The following LGR5 variants were observed in gnomAD, a reference collection of about 807,000 sequenced individuals.
The protein encoded by LGR5 is leucine rich repeat containing G protein-coupled receptor 5, also known as leucine-rich repeat-containing G protein-coupled receptor 5.
Under a neutral mutation model 76.7 loss-of-function variants are expected in LGR5, and 54 were observed. That is an observed-to-expected ratio of 0.70 (90% CI 0.57 to 0.88). The LOEUF is 0.88. LGR5 is among the 40% of genes least tolerant of loss of function. The pLI, the probability that LGR5 is intolerant of heterozygous loss-of-function variation, is 0.00. For missense variants in LGR5, 1,078 were observed against 1,073.3 expected, an observed-to-expected ratio of 1.00 and a Z score of -0.06; for synonymous variants, 406 against 421.9, an observed-to-expected ratio of 0.96 and a Z score of 0.46.
At position 71,566,899 on chromosome 12, in the gene LGR5, A is replaced by G; in HGVS notation, c.1057A>G (p.Asn353Asp). Reference sequence around the variant, plus strand: ...TCAAACCGTCTGCAATCAGTTACCTAATCTCCAAGTGCTGTGCGTATCAGT... The same window carrying G: ...TCAAACCGTCTGCAATCAGTTACCTGATCTCCAAGTGCTGTGCGTATCAGT... ...LPQTVCNQLPNLQVLDLSYNL... is the reference protein window; with the variant it reads ...LPQTVCNQLPDLQVLDLSYNL... The change falls in exon 11 of 18, where the codon AAT (asparagine) becomes GAT (aspartate). Residue 353 changes from asparagine to aspartate, a missense_variant. Physicochemically the swap from Asn to Asp is conservative, Grantham distance 23. Coordinates refer to ENST00000266674, the MANE Select transcript of LGR5 (RefSeq NM_003667.4). The G allele has an allele frequency of 1.2e-6, 2 of 1,612,708 alleles. No homozygotes were observed. Among genetic ancestry groups the G allele is most frequent in the African/African-American group, 1.3e-5 (1 of 75,006 alleles).
At chr12:71,545,779 T>C (rs1280832) in intron 4 of LGR5, among the ~76,000 whole-genome samples, 138,680 of 152,142 alleles carry the variant, frequency 0.91, 63,737 homozygotes, top group East Asian at 1. Flanking sequence ...GTGTCATATA[T>C]GAGATATGTA....
At chr12:71,556,029 A>G (rs537277105) in intron 5 of LGR5, among the ~76,000 whole-genome samples, 3 of 152,184 alleles carry the variant, frequency 2.0e-5, no homozygotes, top group African/African-American at 4.8e-5. Context: ...TTGCAGGAAC[A>G]TGGATGGAGG....
At chr12:71,559,985 A>C (rs1456325488) in intron 7 of LGR5, among the ~76,000 whole-genome samples, 1 of 152,202 alleles carries the variant, frequency 6.6e-6, no homozygotes, top group Non-Finnish European at 1.5e-5. Context: ...TAGAACTAAA[A>C]TGGAATTTAA....
chr12:71,521,542 G>A (rs1168906223), intron 2 of LGR5, among the ~76,000 whole-genome samples: 1 of 152,210 alleles, frequency 6.6e-6, no homozygotes, highest in Non-Finnish European at 1.5e-5. Context: ...GTCTTTTTAA[G>A]GAGGTGATAC....
intron 4 of LGR5, among the ~76,000 whole-genome samples, chr12:71,544,286 TTTCTTCGTCTTTTTTTTTTTC>T (rs1877034680): frequency 6.8e-6 from 1 of 146,274 alleles, no homozygotes; most frequent in Non-Finnish European, 1.5e-5. Flanking sequence ...GTCTTTTTTT[TTTCTTCGTCTTTTTTTTTTTC>T]TTCTTCTTCT....
chr12:71,561,907 T>C (rs772346774), intron 8 of LGR5, 55 bp downstream of exon 8: 1 of 979,630 alleles, frequency 1.0e-6, no homozygotes, highest in Non-Finnish European at 1.6e-6. Flanking sequence ...GCATATATTA[T>C]ACTTTGAAAT....
At chr12:71,533,270 A>G (rs957895371) in intron 3 of LGR5, among the ~76,000 whole-genome samples, 1 of 152,140 alleles carries the variant, frequency 6.6e-6, no homozygotes, top group Non-Finnish European at 1.5e-5. Context: ...GCTTGAACCC[A>G]GGAGGCAGAG....
chr12:71,443,363 T>C (rs560711827), intron 1 of LGR5, among the ~76,000 whole-genome samples: 3 of 152,334 alleles, frequency 2.0e-5, no homozygotes, highest in African/African-American at 7.2e-5. Context: ...TGAGCTGCCT[T>C]CCACAGTAGG....
chr12:71,467,903 G>T (rs752282734), intron 1 of LGR5, among the ~76,000 whole-genome samples: 18 of 152,130 alleles, frequency 1.2e-4, no homozygotes, highest in Non-Finnish European at 2.4e-4. Flanking sequence ...AGCCTTATCT[G>T]ATTCCTTATT....
At chr12:71,575,412 A>T (rs1878803899) in intron 13 of LGR5, among the ~76,000 whole-genome samples, 1 of 152,096 alleles carries the variant, frequency 6.6e-6, no homozygotes, top group African/African-American at 2.4e-5. Flanking sequence ...ATACCCCCCA[A>T]AATGTAAATC....
chr12:71,584,309 C>A lies in LGR5; in HGVS notation c.2299C>A (p.His767Asn). Residue 767 changes from histidine to asparagine, a missense_variant, in exon 18 of 18, where the codon CAC becomes AAC. By Grantham distance (68) the His-to-Asn change is moderately conservative. Transcript: ENST00000266674. Reference protein sequence around the residue: ...ENIWDCSMVKHIALLLFTNCI... With the variant: ...ENIWDCSMVKNIALLLFTNCI... ...TATTTGGGACTGCTCTATGGTAAAA[C>A]ACATTGCCCTGTTGCTCTTCACCAA... 7 of 1,614,184 alleles carry A rather than the reference C, an allele frequency of 4.3e-6. No individual in the cohort carries two copies. Among genetic ancestry groups the A allele is most frequent in the Non-Finnish European group, 5.9e-6 (7 of 1,180,014 alleles).
intron 2 of LGR5, among the ~76,000 whole-genome samples, chr12:71,518,489 C>T (rs1370523671): frequency 1.3e-5 from 2 of 152,198 alleles, no homozygotes; most frequent in Non-Finnish European, 2.9e-5. Context: ...CCCAGCAATA[C>T]ATTACTGGGT....
At chr12:71,498,931 G>T (rs912424300) in intron 1 of LGR5, among the ~76,000 whole-genome samples, 9 of 152,234 alleles carry the variant, frequency 5.9e-5, no homozygotes, top group African/African-American at 2.2e-4. Context: ...AAGTGGTAAA[G>T]GCTCGCAGCA....
At position 71,440,788 on chromosome 12, in the gene LGR5, G is replaced by A. The variant is rs1005833566; in HGVS notation, c.212+496G>A. Among the ~76,000 whole-genome samples the A allele has an allele frequency of 6.6e-6, 1 of 152,204 alleles. No individual in the cohort carries two copies. Among genetic ancestry groups the A allele is most frequent in the African/African-American group, 2.4e-5 (1 of 41,456 alleles). ...GTTTTTAGTCTGCATCCCTTGCACT[G>A]TGACGTGATGTAACCTTTTTGGGGT... On this transcript the variant is annotated intron_variant, in intron 1 of 17. Coordinates refer to ENST00000266674, the MANE Select transcript of LGR5 (RefSeq NM_003667.4). The surrounding 1 kb of genome is among the most constrained non-coding windows in gnomAD (Gnocchi z 5.3).
chr12:71,532,503 G>T (rs547344865), intron 3 of LGR5, among the ~76,000 whole-genome samples: 1 of 152,180 alleles, frequency 6.6e-6, no homozygotes, highest in South Asian at 2.1e-4. Flanking sequence ...TAATACAAAC[G>T]TAATTACGTT....
chr12:71,483,772 G>GGT (rs145881403), intron 1 of LGR5, among the ~76,000 whole-genome samples: 6 of 151,144 alleles, frequency 4.0e-5, no homozygotes, highest in African/African-American at 1.2e-4. Context: ...TTGTGTGTGT[G>GGT]GTGTGTGTGT....
At chr12:71,552,899 T>C (rs866749397) in intron 4 of LGR5, among the ~76,000 whole-genome samples, 174 bp from the exon 5 acceptor site, 9 of 152,066 alleles carry the variant, frequency 5.9e-5, no homozygotes, top group Non-Finnish European at 1.0e-4. Flanking sequence ...AGTCTACACA[T>C]GAATGAGAAG....
intron 12 of LGR5, among the ~76,000 whole-genome samples, chr12:71,571,986 G>C (rs1234648777): frequency 6.6e-6 from 1 of 151,920 alleles, no homozygotes; most frequent in Non-Finnish European, 1.5e-5. Flanking sequence ...TTAGGGGAAG[G>C]CCATATTTGT....
rs775423380 is a variant in LGR5 at position 71,548,843 on chromosome 12, CACACA to C, written c.429-4229_429-4225del. ...ACACACACACACACACACACACACA[CACACA>C]CCCTCTGTGACTTGCACAAAATGGA... On this transcript the variant is annotated intron_variant, in intron 4 of 17. Transcript: ENST00000266674. Among the ~76,000 whole-genome samples the C allele has an allele frequency of 1.7e-3, 263 of 152,020 alleles. 1 individual carries two copies. The highest frequency in any genetic ancestry group is 0.01 in the Middle Eastern group (3 of 292).
Sources: allele counts gnomAD v4.1 joint callset (sites outside exome capture counted in the v4.1 genomes callset), GRCh38; gene constraint gnomAD v4.1.1; non-coding constraint Gnocchi (gnomAD v3.1); transcripts MANE v1.5; gene names NCBI Gene and HGNC (gene_info 2026-07-23, HGNC 2026-07-21).